CPPED1: variants seen among roughly 807,000 people sequenced by gnomAD.
The protein encoded by CPPED1 is calcineurin like phosphoesterase domain containing 1, also known as serine/threonine-protein phosphatase CPPED1.
In CPPED1, 28 loss-of-function variants were observed where a neutral mutation model predicts 28.0. That is an observed-to-expected ratio of 1.00 (90% CI 0.74 to 1.37). The LOEUF (loss-of-function observed/expected upper bound fraction) is 1.37, where lower values mean the gene tolerates loss of function less well. Ranked by LOEUF, CPPED1 falls within the 40% of genes most tolerant of loss-of-function variation. The pLI is 0.00. For missense variants in CPPED1, 504 were observed against 416.5 expected (o/e 1.21, Z -1.83); for synonymous variants, 198 against 180.2 (o/e 1.10, Z -0.79).
intron 3 of CPPED1, among the ~76,000 whole-genome samples, chr16:12,674,689 C>T (rs2079869353): frequency 1.3e-5 from 2 of 152,068 alleles, no homozygotes; most frequent in South Asian, 4.2e-4. Flanking sequence ...AACTGAGGCC[C>T]AGAGAAGTTA....
At chr16:12,778,912 G>A (rs888276796) in intron 2 of CPPED1, among the ~76,000 whole-genome samples, 23 of 152,302 alleles carry the variant, frequency 1.5e-4, no homozygotes, top group Non-Finnish European at 2.9e-4. Context: ...TAAAATTCAC[G>A]TTCAAAAGTT....
chr16:12,690,392 T>G (rs1433663242), intron 3 of CPPED1, among the ~76,000 whole-genome samples: 1 of 151,988 alleles, frequency 6.6e-6, no homozygotes, highest in Non-Finnish European at 1.5e-5. Flanking sequence ...GGAGCACCCA[T>G]AGTCCTGGCT....
intron 3 of CPPED1, among the ~76,000 whole-genome samples, chr16:12,677,221 G>C (rs2079882155): frequency 6.6e-6 from 1 of 152,240 alleles, no homozygotes; most frequent in Non-Finnish European, 1.5e-5. Context: ...AGGTCAGCTG[G>C]TGGGTGGTAC....
intron 3 of CPPED1, among the ~76,000 whole-genome samples, chr16:12,699,482 T>C (rs2080008995): frequency 6.6e-6 from 1 of 152,128 alleles, no homozygotes; most frequent in Admixed American, 6.5e-5. Context: ...CTCCTCCTCG[T>C]TTATCTCATC....
chr16:12,779,423 C>G (rs1311859566), intron 2 of CPPED1, among the ~76,000 whole-genome samples: 1 of 151,560 alleles, frequency 6.6e-6, no homozygotes, highest in Admixed American at 6.6e-5. Flanking sequence ...GCTTCCCGCT[C>G]TATCACCCAG....
intron 1 of CPPED1, among the ~76,000 whole-genome samples, chr16:12,799,248 T>G (rs552874396): frequency 2.6e-3 from 210 of 81,588 alleles, no homozygotes; most frequent in Non-Finnish European, 3.1e-3. Context: ...AGTCAGTTTT[T>G]TTTTTTTTTT....
intron 2 of CPPED1, among the ~76,000 whole-genome samples, chr16:12,733,593 C>T (rs567181021): frequency 3.0e-4 from 46 of 152,004 alleles, no homozygotes; most frequent in African/African-American, 9.4e-4. Context: ...TAGGATTTAA[C>T]GACACTGGAA....
At chr16:12,697,320 G>A (rs906432983) in intron 3 of CPPED1, among the ~76,000 whole-genome samples, 2 of 152,130 alleles carry the variant, frequency 1.3e-5, no homozygotes, top group African/African-American at 4.8e-5. Flanking sequence ...TCTAATACAT[G>A]TGAAGCTGAT....
intron 1 of CPPED1, among the ~76,000 whole-genome samples, chr16:12,797,506 G>T (rs535560077): frequency 6.6e-6 from 1 of 152,080 alleles, no homozygotes; most frequent in South Asian, 2.1e-4. Flanking sequence ...AGTGGGCGGA[G>T]ATCATGCCAC....
intron 2 of CPPED1, among the ~76,000 whole-genome samples, chr16:12,746,582 C>T (rs944097091): frequency 6.6e-6 from 1 of 152,022 alleles, no homozygotes; most frequent in African/African-American, 2.4e-5. Context: ...CGAAGCCCAC[C>T]AGAAATGGCA....
rs1335961407 is a variant in CPPED1 at position 12,791,444 on chromosome 16, T to C, written c.71-10041A>G. The stretch of plus-strand genomic sequence containing the variant: ...CTTTCTTTAAGACTGGCTCCCTCCC[T>C]AGATCTTGCTAATTTTGCCACCATC... On this transcript the variant is annotated intron_variant, in intron 1 of 3. Coordinates refer to ENST00000381774, the MANE Select transcript of CPPED1 (RefSeq NM_018340.3). Among the ~76,000 whole-genome samples the C allele has an allele frequency of 4.6e-5, 7 of 152,330 alleles. No individual in the cohort carries two copies. In the East Asian group the frequency reaches 5.8e-4, roughly 13 times the overall value.
At chr16:12,710,231 G>C (rs2080073155) in intron 2 of CPPED1, among the ~76,000 whole-genome samples, 1 of 152,046 alleles carries the variant, frequency 6.6e-6, no homozygotes, top group South Asian at 2.1e-4. Context: ...ATAAAAATTA[G>C]AGGTTTAACA....
At chr16:12,700,667 C>T (rs1483190165) in intron 3 of CPPED1, among the ~76,000 whole-genome samples, 1 of 152,200 alleles carries the variant, frequency 6.6e-6, no homozygotes, top group African/African-American at 2.4e-5. Context: ...GCTAGGATTA[C>T]AGGTGTGAAC....
intron 2 of CPPED1, among the ~76,000 whole-genome samples, chr16:12,749,676 G>T (rs138395402): frequency 6.0e-4 from 91 of 152,186 alleles, no homozygotes; most frequent in South Asian, 3.1e-3. Context: ...TGCAACCTCC[G>T]CCTCCCAGGT....
At chr16:12,692,288 C>T (rs1314425366) in intron 3 of CPPED1, among the ~76,000 whole-genome samples, 1 of 152,146 alleles carries the variant, frequency 6.6e-6, no homozygotes, top group Non-Finnish European at 1.5e-5. Flanking sequence ...GTGTGGTGAA[C>T]AGAACAAACA....
chr16:12,781,219 G>C lies in CPPED1; in HGVS notation c.255C>G (p.Phe85Leu). 6.2e-7 allele frequency: 1 copy of C among 1,614,010 alleles called. No homozygotes were observed. Among genetic ancestry groups the C allele is most frequent in the Non-Finnish European group, 8.5e-7 (1 of 1,179,956 alleles). Residue 85 changes from phenylalanine (F) to leucine (L), a missense_variant, in exon 2 of 4, where the codon TTC becomes TTG. Phe to Leu is a conservative substitution (Grantham distance 22). Coordinates refer to ENST00000381774, the MANE Select transcript of CPPED1 (RefSeq NM_018340.3). ...INKLNPKPKF[F>L]VLCGDLIHAM... ...CGTGGATGAGGTCGCCGCACAGAAC[G>C]AAGAATTTGGGTTTGGGGTTCAGCT...
chr16:12,696,589 T>C (rs538987179), intron 3 of CPPED1, among the ~76,000 whole-genome samples: 1 of 151,750 alleles, frequency 6.6e-6, no homozygotes, highest in Non-Finnish European at 1.5e-5. Context: ...TTACAGGCAC[T>C]CACCACCACG....
chr16:12,787,176 T>C (rs1344705839), intron 1 of CPPED1, among the ~76,000 whole-genome samples: 1 of 152,074 alleles, frequency 6.6e-6, no homozygotes, highest in African/African-American at 2.4e-5. Flanking sequence ...AGGTCAAATT[T>C]TGAGACAAAT....
chr16:12,701,673 C>T (rs1194359778), intron 3 of CPPED1, among the ~76,000 whole-genome samples: 1 of 152,176 alleles, frequency 6.6e-6, no homozygotes, highest in African/African-American at 2.4e-5. Context: ...AAGCCTCATG[C>T]TTTGCAGTCA....
Sources: allele counts gnomAD v4.1 joint callset (sites outside exome capture counted in the v4.1 genomes callset), GRCh38; gene constraint gnomAD v4.1.1; transcripts MANE v1.5; gene names NCBI Gene and HGNC (gene_info 2026-07-23, HGNC 2026-07-21).